Variants in TMCO6 observed in about 807,000 individuals in gnomAD.
TMCO6 encodes transmembrane and coiled-coil domain-containing protein 6.
In TMCO6, 47 loss-of-function variants were observed where a neutral mutation model predicts 61.8. The observed-to-expected ratio is 0.76, with a 90% confidence interval of 0.60 to 0.97. The LOEUF is 0.97. Ranked by LOEUF, TMCO6 falls within the 50% of genes least tolerant of loss-of-function variation. The probability of loss-of-function intolerance (pLI) is 0.00; values close to 1 mark genes in which losing one functional copy is unlikely to be tolerated. For missense variants in TMCO6, 557 were observed against 601.6 expected, an observed-to-expected ratio of 0.93 and a Z score of 0.78; for synonymous variants, 261 against 254.2, an observed-to-expected ratio of 1.03 and a Z score of -0.25.
chr5:140,600,841 A>T, the TMCO6 span, among the ~76,000 whole-genome samples: 1 of 152,188 alleles, frequency 6.6e-6, no homozygotes, highest in Admixed American at 6.5e-5. Context: ...CAATATCCCC[A>T]TACTACATTC....
At chr5:140,611,474 T>C in the TMCO6 span, among the ~76,000 whole-genome samples, 3 of 152,188 alleles carry the variant, frequency 2.0e-5, no homozygotes, top group Admixed American at 6.5e-5. Flanking sequence ...TTGTCTGTGT[T>C]TTACTGTCTG....
Position 140,639,613 on chromosome 5 carries a change from G to A in TMCO6, c.85+1G>A, listed in dbSNP as rs1226797691. On this transcript the variant is annotated splice_donor_variant, in intron 1 of 11. Coordinates refer to ENST00000394671, the MANE Select transcript of TMCO6 (RefSeq NM_018502.5). LOFTEE classifies it high-confidence loss of function. ...CGCCGCCGGCGGGAGCGGGAGGCAG[G>A]TGTGGGCGGCCGAGGGAGCGCGGGG... 3.2e-6 allele frequency: 5 copies of A among 1,543,058 alleles called. No individual in the cohort carries two copies. The highest frequency in any genetic ancestry group is 3.5e-6 in the Non-Finnish European group (4 of 1,142,666).
At chr5:140,614,043 C>T in the TMCO6 span, among the ~76,000 whole-genome samples, 8 of 152,062 alleles carry the variant, frequency 5.3e-5, no homozygotes, top group East Asian at 3.9e-4. Flanking sequence ...GGACTACAGG[C>T]GCCCGTCACC....
chr5:140,633,243 C>A, the TMCO6 span: 3 of 762,104 alleles, frequency 3.9e-6, no homozygotes, highest in Middle Eastern at 6.3e-4. Flanking sequence ...CCTCTGTGAA[C>A]CCTGATCACC....
the TMCO6 span, chr5:140,631,967 G>C: frequency 7.9e-4 from 1,280 of 1,613,710 alleles, 18 homozygotes; most frequent in East Asian, 0.023. Flanking sequence ...AGCCCTCGTG[G>C]GGGAGGGCAG....
chr5:140,631,649 A>G, the TMCO6 span: 2 of 481,204 alleles, frequency 4.2e-6, no homozygotes, highest in Non-Finnish European at 7.3e-6. Context: ...AGAAAGCCTA[A>G]GTATGATGAA....
downstream of TMCO6, among the ~76,000 whole-genome samples, chr5:140,646,009 CTTTTTTTTTT>C (rs5871744): frequency 8.1e-6 from 1 of 124,118 alleles, no homozygotes; most frequent in South Asian, 2.6e-4. Flanking sequence ...CATTCTCTCT[CTTTTTTTTTT>C]TTTTTTTTTG....
the TMCO6 span, among the ~76,000 whole-genome samples, chr5:140,622,970 G>T: frequency 6.6e-6 from 1 of 152,112 alleles, no homozygotes; most frequent in Non-Finnish European, 1.5e-5. Flanking sequence ...CTCCCAGCTT[G>T]GTCTCTCAAA....
At chr5:140,632,598 G>T in the TMCO6 span, 22 of 1,613,986 alleles carry the variant, frequency 1.4e-5, no homozygotes, top group African/African-American at 1.1e-4. The surrounding 1 kb of genome is among the most constrained non-coding windows in gnomAD (Gnocchi z 6.2). Flanking sequence ...CATGGTGCCG[G>T]TTATCTTTAG....
chr5:140,602,039 C>T, the TMCO6 span, among the ~76,000 whole-genome samples: 3 of 152,314 alleles, frequency 2.0e-5, no homozygotes, highest in East Asian at 3.9e-4. Flanking sequence ...AAGGCATCAA[C>T]ATGGACTGCC....
the TMCO6 span, among the ~76,000 whole-genome samples, chr5:140,620,085 T>C: frequency 6.6e-6 from 1 of 152,362 alleles, no homozygotes; most frequent in Admixed American, 6.5e-5. Flanking sequence ...CATGGGTGTT[T>C]ACAGCAGCTT....
chr5:140,609,974 G>A, the TMCO6 span, among the ~76,000 whole-genome samples: 1 of 151,962 alleles, frequency 6.6e-6, no homozygotes, highest in Non-Finnish European at 1.5e-5. Flanking sequence ...CAGGGCTCAA[G>A]TGAGCCTCCC....
the TMCO6 span, chr5:140,632,239 C>T: frequency 1.2e-6 from 2 of 1,613,538 alleles, no homozygotes; most frequent in Non-Finnish European, 1.7e-6. The surrounding 1 kb of genome is among the most constrained non-coding windows in gnomAD (Gnocchi z 6.2). Context: ...TGGGGCTGCA[C>T]ACCTGCCGCC....
chr5:140,603,142 C>T, the TMCO6 span, among the ~76,000 whole-genome samples: 1 of 152,116 alleles, frequency 6.6e-6, no homozygotes, highest in Non-Finnish European at 1.5e-5. Flanking sequence ...ATGCCATACC[C>T]ATTAAGTAAT....
rs763486553 is a variant in TMCO6, at chr5:140,643,577, C to G, written c.820C>G (p.Pro274Ala). ...CCTGTTGCCCAGCCAGGTCAGCAATCCTCTGCTCATTGGCCATGGGGCTCT... is the reference window on the plus strand; with the variant it reads ...CCTGTTGCCCAGCCAGGTCAGCAATGCTCTGCTCATTGGCCATGGGGCTCT... ...HYIICSQVSN[P>A]LLIGHGALST... Residue 274 changes from proline to alanine, a missense_variant, in exon 8 of 12, where the codon CCT becomes GCT. Physicochemically the swap from Pro to Ala is conservative, Grantham distance 27. Transcript: ENST00000394671. 7 of 1,613,846 alleles carry G rather than the reference C, an allele frequency of 4.3e-6. No individual in the cohort carries two copies. In the African/African-American group the frequency reaches 9.3e-5, roughly 22 times the overall value.
At chr5:140,627,426 T>C in the TMCO6 span, among the ~76,000 whole-genome samples, 49,451 of 152,104 alleles carry the variant, frequency 0.33, 8,547 homozygotes, top group African/African-American at 0.43. Flanking sequence ...TTTATGTAGT[T>C]TAGTAAACTC....
the TMCO6 span, among the ~76,000 whole-genome samples, chr5:140,598,809 G>A: frequency 0.013 from 1,910 of 152,206 alleles, 45 homozygotes; most frequent in African/African-American, 0.044. Context: ...GGTGGCAGGC[G>A]ACTGTAATCC....
At chr5:140,621,042 C>T in the TMCO6 span, among the ~76,000 whole-genome samples, 1 of 151,982 alleles carries the variant, frequency 6.6e-6, no homozygotes, top group East Asian at 1.9e-4. Context: ...TGAAAAGAAA[C>T]CTAAAAATAG....
the TMCO6 span, chr5:140,631,890 A>G: frequency 5.0e-6 from 8 of 1,587,480 alleles, no homozygotes; most frequent in Non-Finnish European, 5.2e-6. Context: ...GAGCAGCACC[A>G]GGGTTCCCGA....
Sources: allele counts gnomAD v4.1 joint callset (sites outside exome capture counted in the v4.1 genomes callset), GRCh38; gene constraint gnomAD v4.1.1; non-coding constraint Gnocchi (gnomAD v3.1); transcripts MANE v1.5; gene names NCBI Gene and HGNC (gene_info 2026-07-23, HGNC 2026-07-21).